Variants in GMPR observed in about 807,000 individuals in gnomAD.
GMPR encodes GMP reductase 1.
GMPR carries 31 observed loss-of-function variants against 38.4 expected under a neutral mutation model. The ratio of observed to expected loss-of-function variants is 0.81; its 90% CI spans 0.61 to 1.09. The LOEUF is 1.09. GMPR is among the 50% of genes least tolerant of loss of function. GMPR has a pLI of 0.00. For missense variants in GMPR, 468 were observed against 453.7 expected (o/e 1.03, Z -0.29); for synonymous variants, 162 against 173.3 (o/e 0.93, Z 0.51).
chr6:16,247,011 A>T (rs908571343), intron 2 of GMPR, 50 bp downstream of exon 2: 25 of 1,575,366 alleles, frequency 1.6e-5, no homozygotes, highest in Non-Finnish European at 2.1e-5. Flanking sequence ...CACTGTGGAC[A>T]GGTTATCAGG....
chr6:16,238,708 T>C lies in GMPR; in HGVS notation c.15T>C (p.Asp5=). MPRI[D]ADLKLDFKDV... is the part of the protein sequence containing the mutation. The stretch of plus-strand genomic sequence containing the variant: ...GCCGCTGCACCATGCCCCGCATAGA[T>C]GCGGACCTCAAGCTCGACTTCAAGG... Residue 5 remains aspartate, a synonymous_variant, in exon 1 of 9, where the codon GAT becomes GAC. Transcript: ENST00000259727. The C allele has an allele frequency of 7.0e-7, 1 of 1,429,044 alleles. No individual in the cohort carries two copies. Among genetic ancestry groups the C allele is most frequent in the Non-Finnish European group, 9.3e-7 (1 of 1,077,784 alleles). The allele number at this position is 1,429,044 out of a possible 1,614,324, so 88.5% of individuals were successfully genotyped here. A position where few individuals can be genotyped will look rare whatever the true frequency, so the allele number is the denominator to read the frequency against.
chr6:16,249,639 G>A (rs1758828966), intron 2 of GMPR, among the ~76,000 whole-genome samples: 1 of 152,188 alleles, frequency 6.6e-6, no homozygotes, highest in Non-Finnish European at 1.5e-5. Context: ...AACTGCTTAA[G>A]CTCCATTTAT....
At chr6:16,269,608 C>T (rs1759341955) in intron 4 of GMPR, among the ~76,000 whole-genome samples, 1 of 152,048 alleles carries the variant, frequency 6.6e-6, no homozygotes. Flanking sequence ...CCAGCCTGGC[C>T]AACATGGAGA....
In GMPR at chr6:16,292,129, C is replaced by T. The variant is rs143305607; in HGVS notation, c.857+1508C>T. Reference sequence around the variant, plus strand: ...CTCCCTCCAATTTTCAGACTCTATCCGGTGCTGGAGTGGAAACCTAAGCCC... The same window carrying T: ...CTCCCTCCAATTTTCAGACTCTATCTGGTGCTGGAGTGGAAACCTAAGCCC... On this transcript the variant is annotated intron_variant, in intron 8 of 8. Coordinates refer to ENST00000259727, the MANE Select transcript of GMPR (RefSeq NM_006877.4). Among the ~76,000 whole-genome samples the T allele has an allele frequency of 5.9e-5, 9 of 152,256 alleles. No homozygotes were observed. In the East Asian group the frequency reaches 9.6e-4, roughly 16 times the overall value.
intron 4 of GMPR, among the ~76,000 whole-genome samples, chr6:16,268,761 G>C (rs1451079366): frequency 6.6e-6 from 1 of 152,098 alleles, no homozygotes; most frequent in Non-Finnish European, 1.5e-5. Flanking sequence ...ATTTCAGTTT[G>C]AGATGATTAA....
chr6:16,289,033 A>G (rs1016542657), intron 7 of GMPR, among the ~76,000 whole-genome samples: 1 of 152,232 alleles, frequency 6.6e-6, no homozygotes, highest in Non-Finnish European at 1.5e-5. Flanking sequence ...CGGAGCCAGC[A>G]GTGGCAAACC....
At chr6:16,252,982 G>GT (rs1758904691) in intron 3 of GMPR, among the ~76,000 whole-genome samples, 1 of 152,236 alleles carries the variant, frequency 6.6e-6, no homozygotes, top group African/African-American at 2.4e-5. Flanking sequence ...GTGGCCCAGG[G>GT]TTTAGAGATA....
At chr6:16,256,351 T>TA (rs200060049) in intron 4 of GMPR, among the ~76,000 whole-genome samples, 7,983 of 120,544 alleles carry the variant, frequency 0.066, 651 homozygotes, top group African/African-American at 0.2. Flanking sequence ...CTGCATCTAC[T>TA]AAAAAAAAAA....
chr6:16,274,643 CT>C (rs1759444883), intron 5 of GMPR, 147 bp downstream of exon 5: 1 of 600,810 alleles, frequency 1.7e-6, no homozygotes, highest in African/African-American at 1.9e-5. Context: ...CATAATTGAG[CT>C]TCTCGGGGAA....
chr6:16,241,768 G>A (rs1758652576), intron 1 of GMPR, among the ~76,000 whole-genome samples: 1 of 152,118 alleles, frequency 6.6e-6, no homozygotes, highest in Admixed American at 6.5e-5. Context: ...TAGAGACGGA[G>A]TCTCACTCTG....
chr6:16,277,768 G>C (rs1161715808), intron 5 of GMPR, among the ~76,000 whole-genome samples: 1 of 152,134 alleles, frequency 6.6e-6, no homozygotes, highest in East Asian at 1.9e-4. Flanking sequence ...TTAAGAAGAA[G>C]CTGGAAAGAT....
At chr6:16,290,000 G>A (rs145912144) in intron 7 of GMPR, 3,146 of 152,814 alleles carry the variant, frequency 0.021, 81 homozygotes, top group African/African-American at 0.066. Flanking sequence ...TGTATTTTTA[G>A]TAGAAATGGG....
intron 8 of GMPR, among the ~76,000 whole-genome samples, chr6:16,293,355 TAC>T: frequency 6.6e-6 from 1 of 152,324 alleles, no homozygotes; most frequent in South Asian, 2.1e-4. Flanking sequence ...GGCACAAGTG[TAC>T]AGACGCCTGT....
At chr6:16,255,125 C>T (rs1171921690) in intron 4 of GMPR, among the ~76,000 whole-genome samples, 3 of 151,754 alleles carry the variant, frequency 2.0e-5, no homozygotes, top group Non-Finnish European at 4.4e-5. Context: ...GATTCTTGTA[C>T]CTCAGCCTCA....
intron 8 of GMPR, among the ~76,000 whole-genome samples, chr6:16,292,231 G>A (rs1403881078): frequency 1.3e-5 from 2 of 152,096 alleles, no homozygotes; most frequent in South Asian, 4.2e-4. Flanking sequence ...GGATTCAGAT[G>A]TATTATATAA....
intron 4 of GMPR, among the ~76,000 whole-genome samples, chr6:16,266,642 A>C (rs984875858): frequency 2.6e-5 from 4 of 151,710 alleles, no homozygotes; most frequent in Non-Finnish European, 5.9e-5. Flanking sequence ...CTCTACTAAA[A>C]GTACAAAAAA....
At chr6:16,273,708 A>G (rs1157116868) in intron 4 of GMPR, among the ~76,000 whole-genome samples, 2 of 152,094 alleles carry the variant, frequency 1.3e-5, no homozygotes, top group African/African-American at 4.8e-5. Context: ...AAGATTCTTC[A>G]GGGGCTTTGC....
chr6:16,260,498 AG>A (rs1759062995), intron 4 of GMPR, among the ~76,000 whole-genome samples: 1 of 152,044 alleles, frequency 6.6e-6, no homozygotes. Context: ...TGTCGAGTAA[AG>A]CTAATTTGCC....
At chr6:16,291,475 C>T (rs1007112129) in intron 8 of GMPR, among the ~76,000 whole-genome samples, 2 of 152,210 alleles carry the variant, frequency 1.3e-5, no homozygotes, top group South Asian at 2.1e-4. Context: ...CCACCCACCT[C>T]GACCTCCCAA....
Sources: allele counts gnomAD v4.1 joint callset (sites outside exome capture counted in the v4.1 genomes callset), GRCh38; gene constraint gnomAD v4.1.1; transcripts MANE v1.5; gene names NCBI Gene and HGNC (gene_info 2026-07-23, HGNC 2026-07-21).